Variants in HPD observed in about 807,000 individuals in gnomAD.
The protein encoded by HPD is 4-hydroxyphenylpyruvate dioxygenase.
HPD carries 35 observed loss-of-function variants against 56.9 expected under a neutral mutation model. The observed-to-expected ratio is 0.62, with a 90% confidence interval of 0.47 to 0.82. The LOEUF (loss-of-function observed/expected upper bound fraction) is 0.82. Among genes scored for constraint, HPD ranks in the 40% least tolerant of loss-of-function variants. The probability of loss-of-function intolerance (pLI) is 0.00; values close to 1 mark genes in which losing one functional copy is unlikely to be tolerated. For missense variants in HPD, 442 were observed against 506.8 expected (o/e 0.87, Z 1.23); for synonymous variants, 186 against 200.2 (o/e 0.93, Z 0.60).
chr12:121,879,338 G>A, the HPD span, among the ~76,000 whole-genome samples: 2 of 151,466 alleles, frequency 1.3e-5, no homozygotes, highest in Non-Finnish European at 2.9e-5. Flanking sequence ...GGCGGGGTGG[G>A]GGGATGAAAA....
upstream of HPD, among the ~76,000 whole-genome samples, chr12:121,864,695 T>C (rs1415130365): frequency 2.0e-5 from 3 of 149,942 alleles, no homozygotes; most frequent in African/African-American, 4.9e-5. Flanking sequence ...CTACTAAAAA[T>C]ACAAAAAATT....
chr12:121,855,193 G>T (rs1877948901), intron 6 of HPD, among the ~76,000 whole-genome samples: 1 of 152,186 alleles, frequency 6.6e-6, no homozygotes, highest in South Asian at 2.1e-4. Context: ...TCATGCACCA[G>T]GCTCTGTTCT....
chr12:121,870,161 G>A, the HPD span, among the ~76,000 whole-genome samples: 9 of 151,810 alleles, frequency 5.9e-5, no homozygotes, highest in Non-Finnish European at 1.5e-5. Flanking sequence ...GTTACCTCTG[G>A]AGGCAGCACA....
chr12:121,839,663 T>A lies in HPD; in HGVS notation c.*65A>T, dbSNP rs931600760. 4 of 1,200,124 alleles carry A rather than the reference T, an allele frequency of 3.3e-6. No homozygotes were observed. Among genetic ancestry groups the A allele is most frequent in the Non-Finnish European group, 3.7e-6 (3 of 805,934 alleles). The allele number at this position is 1,200,124 out of a possible 1,614,324, so 74.3% of individuals were successfully genotyped here. ...CCAAGGGGAGCAGCCAGTAGGGAAG[T>A]TGGGCGAGTTCCAGAATCAGGGGGC... On this transcript the variant is annotated 3_prime_UTR_variant, in exon 14 of 14. Coordinates refer to ENST00000289004, the MANE Select transcript of HPD (RefSeq NM_002150.3).
At chr12:121,847,641 G>A (rs1333414856) in intron 9 of HPD, among the ~76,000 whole-genome samples, 1 of 152,182 alleles carries the variant, frequency 6.6e-6, no homozygotes, top group Non-Finnish European at 1.5e-5. Context: ...GGGTCCAGGC[G>A]ATTCTCCTGC....
At position 121,840,090 on chromosome 12, in the gene HPD, G is replaced by C. The variant is rs765318616; in HGVS notation, c.955-42C>G. 3.0e-6 allele frequency: 4 copies of C among 1,343,256 alleles called. No homozygotes were observed. The South Asian group carries it at 4.7e-5, about 16-fold the overall frequency. The allele number at this position is 1,343,256 out of a possible 1,614,324, so 83.2% of individuals were successfully genotyped here. On this transcript the variant is annotated intron_variant, in intron 12 of 13. Transcript: ENST00000289004. ...GGGCTCTGCTAGGGGAGGCTGGCAC[G>C]GTGAGATCCTTGGAAAGTCCACAGG...
intron 4 of HPD, chr12:121,856,876 C>T (rs962353774): frequency 3.8e-5 from 22 of 572,792 alleles, no homozygotes; most frequent in African/African-American, 3.8e-4. Context: ...CTCCAGGGAC[C>T]CCATCGGTCA....
intron 12 of HPD, among the ~76,000 whole-genome samples, chr12:121,842,391 A>G (rs138599072): frequency 2.7e-4 from 41 of 152,188 alleles, no homozygotes; most frequent in African/African-American, 9.4e-4. Flanking sequence ...TCAACCTCCC[A>G]AAATGCTGGG....
rs373829918 is a variant in HPD, at chr12:121,857,765, C to T, written c.85G>A (p.Ala29Thr). The T allele has an allele frequency of 9.3e-6, 15 of 1,613,738 alleles. No individual in the cohort carries two copies. In the African/African-American group the frequency reaches 1.3e-4, roughly 14 times the overall value. ...FHSVTFWVGN[A>T]KQATSFYCSK... ...CTTGCCCCGGCTTCTACCTGCTTGG[C>T]GTTGCCAACCCAGAAGGTCACAGAG... Residue 29 changes from alanine (A) to threonine (T), a missense_variant, in exon 3 of 14, where the codon GCC becomes ACC. Physicochemically the swap from Ala to Thr is moderately conservative, Grantham distance 58. Coordinates refer to ENST00000289004, the MANE Select transcript of HPD (RefSeq NM_002150.3).
chr12:121,843,382 C>A (rs1402902746), intron 12 of HPD, among the ~76,000 whole-genome samples: 1 of 152,252 alleles, frequency 6.6e-6, no homozygotes, highest in Non-Finnish European at 1.5e-5. Context: ...GAATGCCTTT[C>A]TTCCCGCTGT....
At chr12:121,845,840 C>T (rs1877565907) in intron 11 of HPD, among the ~76,000 whole-genome samples, 1 of 152,140 alleles carries the variant, frequency 6.6e-6, no homozygotes, top group Non-Finnish European at 1.5e-5. Context: ...AGGGCAGAAA[C>T]TGTTATAGGC....
At chr12:121,872,885 C>A in the HPD span, among the ~76,000 whole-genome samples, 1 of 152,062 alleles carries the variant, frequency 6.6e-6, no homozygotes, top group Non-Finnish European at 1.5e-5. Context: ...GATGTCTGAG[C>A]AACTTGTTCC....
At chr12:121,846,712 A>G (rs1877595421) in intron 11 of HPD, 150 bp downstream of exon 11, 1 of 752,764 alleles carries the variant, frequency 1.3e-6, no homozygotes, top group African/African-American at 1.7e-5. Context: ...GTGCCTGCCC[A>G]TGAGTTGCAA....
At chr12:121,855,609 C>T (rs1371755523) in intron 6 of HPD, among the ~76,000 whole-genome samples, 4 of 151,992 alleles carry the variant, frequency 2.6e-5, no homozygotes, top group South Asian at 2.1e-4. Context: ...CCCAGCTACT[C>T]GGGAGGCTGA....
the HPD span, among the ~76,000 whole-genome samples, chr12:121,887,352 T>C: frequency 6.7e-6 from 1 of 149,792 alleles, no homozygotes; most frequent in African/African-American, 2.4e-5. Flanking sequence ...GCACCTGTAT[T>C]TCTCTCTCTC....
chr12:121,857,945 A>C (rs1049925091), intron 2 of HPD, 126 bp from the exon 3 acceptor site: 5 of 750,278 alleles, frequency 6.7e-6, no homozygotes, highest in Non-Finnish European at 2.4e-6. Context: ...GAGCAGCGGA[A>C]CCCCATGCAG....
chr12:121,881,796 G>A, the HPD span, among the ~76,000 whole-genome samples: 564 of 148,566 alleles, frequency 3.8e-3, 2 homozygotes, highest in Middle Eastern at 6.8e-3. Context: ...ATAGGCATGT[G>A]CCACCATGCT....
At chr12:121,885,239 G>GT in the HPD span, among the ~76,000 whole-genome samples, 5 of 141,202 alleles carry the variant, frequency 3.5e-5, no homozygotes, top group Non-Finnish European at 7.6e-5. Flanking sequence ...GTCTTGCTCT[G>GT]TCGCCAGGCT....
intron 11 of HPD, among the ~76,000 whole-genome samples, chr12:121,844,281 G>A (rs1015345866): frequency 6.6e-6 from 1 of 151,960 alleles, no homozygotes; most frequent in Non-Finnish European, 1.5e-5. Context: ...CTGACCTCAG[G>A]CGATCCACCT....
Sources: allele counts gnomAD v4.1 joint callset (sites outside exome capture counted in the v4.1 genomes callset), GRCh38; gene constraint gnomAD v4.1.1; transcripts MANE v1.5; gene names NCBI Gene and HGNC (gene_info 2026-07-23, HGNC 2026-07-21).